The following YTHDF1 variants were observed in gnomAD, a reference collection of about 807,000 sequenced individuals.
YTHDF1 encodes the protein YTH domain-containing family protein 1.
Under a neutral mutation model 49.1 loss-of-function variants are expected in YTHDF1, and 16 were observed. The observed-to-expected ratio is 0.33, with a 90% CI of 0.22 to 0.49. YTHDF1 has a LOEUF of 0.49. Among genes scored for constraint, YTHDF1 ranks in the 20% least tolerant of loss-of-function variants. YTHDF1 has a pLI of 0.99. For missense variants in YTHDF1, 621 were observed against 744.3 expected, an observed-to-expected ratio of 0.83 and a Z score of 1.93; for synonymous variants, 313 against 290.1, an observed-to-expected ratio of 1.08 and a Z score of -0.80.
At chr20:63,201,687 A>G (rs1425068044) in intron 4 of YTHDF1, among the ~76,000 whole-genome samples, 1 of 152,138 alleles carries the variant, frequency 6.6e-6, no homozygotes, top group African/African-American at 2.4e-5. Context: ...CACCACCACC[A>G]TTTTCTTTAC....
chr20:63,202,575 G>A lies in YTHDF1; in HGVS notation c.1365C>T (p.Pro455=), dbSNP rs919727844. ...HFCGVAEMKS[P]VDYGTSAGVW... is the part of the protein sequence containing the mutation. ...CCCCGGCACTGGTGCCGTAGTCCAC[G>A]GGGGACTTCATCTCGGCCACCCCAC... The change falls in exon 4 of 5, where the codon CCC becomes CCT. Residue 455 remains proline (P), a synonymous_variant. Transcript: ENST00000370339. The A allele has an allele frequency of 5.0e-6, 8 of 1,614,182 alleles. No individual in the cohort carries two copies. The highest frequency in any genetic ancestry group is 2.7e-5 in the African/African-American group (2 of 75,068).
intron 4 of YTHDF1, 136 bp downstream of exon 4, chr20:63,202,151 G>T: frequency 1.6e-6 from 2 of 1,216,962 alleles, no homozygotes; most frequent in Non-Finnish European, 2.3e-6. Flanking sequence ...CCGCCCACCT[G>T]CGGCCAACTG....
intron 3 of YTHDF1, among the ~76,000 whole-genome samples, chr20:63,212,330 G>A (rs938194375): frequency 9.2e-5 from 14 of 152,238 alleles, no homozygotes; most frequent in Non-Finnish European, 1.9e-4. Context: ...CAGTAGGAGG[G>A]AGGGGGATGA....
Position 63,202,521 on chromosome 20 carries a change from C to T in YTHDF1, c.1419G>A (p.Lys473=), listed in dbSNP as rs144959355. The change falls in exon 4 of 5, where the codon AAG becomes AAA. Residue 473 remains lysine, a synonymous_variant. Transcript: ENST00000370339. The stretch of plus-strand genomic sequence containing the variant: ...TAACAAAAATCCACTGGACATCAAA[C>T]TTCCCCTTCCACTTGTCCTGAGACC... ...GVWSQDKWKG[K]FDVQWIFVKD... 1.2e-3 allele frequency: 1,892 copies of T among 1,614,238 alleles called. 8 individuals carry two copies. The African/African-American group carries it at 0.019, about 16-fold the overall frequency.
rs760284485 is a variant in YTHDF1 at position 63,202,945 on chromosome 20, C to T, written c.995G>A (p.Arg332His). Reference sequence around the variant, plus strand: ...CTGCCCAAACGCCGCGTTTCTGTTGCGTGGGGCAACCCAGCGGGTCTGGGG... The same window carrying T: ...CTGCCCAAACGCCGCGTTTCTGTTGTGTGGGGCAACCCAGCGGGTCTGGGG... ...QPPQTRWVAP[R>H]NRNAAFGQSG... The change falls in exon 4 of 5, where the codon CGC becomes CAC. Residue 332 changes from arginine to histidine, a missense_variant. By Grantham distance (29) the Arg-to-His change is conservative. Coordinates refer to ENST00000370339, the MANE Select transcript of YTHDF1 (RefSeq NM_017798.4). 5.0e-6 allele frequency: 8 copies of T among 1,613,920 alleles called. No individual in the cohort carries two copies. Among genetic ancestry groups the T allele is most frequent in the Admixed American group, 1.7e-5 (1 of 60,014 alleles).
chr20:63,214,895 C>T (rs979285239), intron 2 of YTHDF1, among the ~76,000 whole-genome samples: 1 of 152,208 alleles, frequency 6.6e-6, no homozygotes, highest in Non-Finnish European at 1.5e-5. Context: ...CCCTTTGGCT[C>T]AGTGATTTGG....
intron 3 of YTHDF1, among the ~76,000 whole-genome samples, chr20:63,206,948 T>C (rs1381715644): frequency 2.0e-5 from 3 of 151,334 alleles, no homozygotes; most frequent in Admixed American, 6.6e-5. Context: ...CTGGTCACAG[T>C]GCGTGGGAGA....
At chr20:63,199,249 G>A (rs1350993400) in intron 4 of YTHDF1, among the ~76,000 whole-genome samples, 3 of 152,198 alleles carry the variant, frequency 2.0e-5, no homozygotes, top group Admixed American at 6.5e-5. Context: ...GCCGGGCGCA[G>A]TGGCTCACGC....
chr20:63,211,387 C>A (rs978870790), intron 3 of YTHDF1, among the ~76,000 whole-genome samples: 71 of 152,054 alleles, frequency 4.7e-4, no homozygotes, highest in Non-Finnish European at 7.4e-4. Flanking sequence ...ATCACCTGAG[C>A]CTGGGAAGTC....
At chr20:63,207,100 C>G (rs1472768519) in intron 3 of YTHDF1, among the ~76,000 whole-genome samples, 1 of 152,258 alleles carries the variant, frequency 6.6e-6, no homozygotes, top group Non-Finnish European at 1.5e-5. Flanking sequence ...AGCTGTGCTG[C>G]TCCCTCAACA....
intron 3 of YTHDF1, among the ~76,000 whole-genome samples, chr20:63,207,552 C>T (rs986960813): frequency 5.4e-5 from 8 of 149,468 alleles, no homozygotes; most frequent in Non-Finnish European, 1.0e-4. Context: ...TTTTGGTCCT[C>T]GTAAATGAGT....
chr20:63,210,674 G>A (rs1266199987), intron 3 of YTHDF1, among the ~76,000 whole-genome samples: 1 of 152,120 alleles, frequency 6.6e-6, no homozygotes, highest in African/African-American at 2.4e-5. Context: ...TGTAATCCCA[G>A]CTACTCGGGA....
rs758194803 is a variant in YTHDF1 at position 63,213,968 on chromosome 20, T to G, written c.53-25A>C. On this transcript the variant is annotated intron_variant, in intron 2 of 4. Coordinates refer to ENST00000370339, the MANE Select transcript of YTHDF1 (RefSeq NM_017798.4). ...ACTAGAACAAAAAGTTGCAAAATAT[T>G]ACCCTCAAATTTTAAAAGATTACTT... The G allele has an allele frequency of 5.1e-6, 8 of 1,566,498 alleles. No individual in the cohort carries two copies. The Admixed American group carries it at 6.7e-5, about 13-fold the overall frequency.
Position 63,196,489 on chromosome 20 carries a change from CA to C in YTHDF1, c.*218del, listed in dbSNP as rs963582644. The C allele has an allele frequency of 3.9e-4, 178 of 455,784 alleles. No homozygotes were observed. Among genetic ancestry groups the C allele is most frequent in the South Asian group, 6.5e-4 (16 of 24,466 alleles). The allele number at this position is 455,784 out of a possible 1,614,324, so 28.2% of individuals were successfully genotyped here. A position where few individuals can be genotyped will look rare whatever the true frequency, so the allele number is the denominator to read the frequency against. On this transcript the variant is annotated 3_prime_UTR_variant, in exon 5 of 5. Transcript: ENST00000370339. ...TAGATCAGTCTGATTGATAAGCTGACAAAAAAAATACTCCTTTATTAGTGAC... is the reference window on the plus strand; with the variant it reads ...TAGATCAGTCTGATTGATAAGCTGACAAAAAAATACTCCTTTATTAGTGAC...
At chr20:63,199,097 A>T (rs1425920702) in intron 4 of YTHDF1, among the ~76,000 whole-genome samples, 1 of 152,230 alleles carries the variant, frequency 6.6e-6, no homozygotes, top group African/African-American at 2.4e-5. Flanking sequence ...AATGGGGCCA[A>T]ACTCTAAATG....
rs61737401 is a variant in YTHDF1 at position 63,203,505 on chromosome 20, G to T, written c.435C>A (p.Ser145=). 6.2e-7 allele frequency: 1 copy of T among 1,613,764 alleles called. No individual in the cohort carries two copies. The highest frequency in any genetic ancestry group is 2.2e-5 in the East Asian group (1 of 44,876). Reference sequence around the variant, plus strand: ...GGTAGGTGTAGCTGCTCCCATACGCGGAGCTCTGGGTCTGCTGACCTTGAG... The same window carrying T: ...GGTAGGTGTAGCTGCTCCCATACGCTGAGCTCTGGGTCTGCTGACCTTGAG... ...SGSQGQQTQS[S]AYGSSYTYPP... is the part of the protein sequence containing the mutation. The change falls in exon 4 of 5, where the codon TCC becomes TCA. Residue 145 remains serine, a synonymous_variant. Coordinates refer to ENST00000370339, the MANE Select transcript of YTHDF1 (RefSeq NM_017798.4). The surrounding 1 kb of genome is among the most constrained non-coding windows in gnomAD (Gnocchi z 4.4).
At position 63,213,908 on chromosome 20, in the gene YTHDF1, G is replaced by A. The variant is rs2066588084; in HGVS notation, c.88C>T (p.His30Tyr). The stretch of plus-strand genomic sequence containing the variant: ...AGGTAGGGCTCAAAGTCATTGTCAT[G>A]AACTGTATCCTTCTGATGTAACGAA... ...NGSLHQKDTVHDNDFEPYLTG... is the reference protein window; with the variant it reads ...NGSLHQKDTVYDNDFEPYLTG... The change falls in exon 3 of 5, where the codon CAT becomes TAT. Residue 30 changes from histidine to tyrosine, a missense_variant. Coordinates refer to ENST00000370339, the MANE Select transcript of YTHDF1 (RefSeq NM_017798.4). 1.3e-6 allele frequency: 2 copies of A among 1,577,986 alleles called. No homozygotes were observed. The highest frequency in any genetic ancestry group is 1.2e-5 in the South Asian group (1 of 85,060).
At chr20:63,214,328 G>C (rs555679818) in intron 2 of YTHDF1, among the ~76,000 whole-genome samples, 1 of 152,184 alleles carries the variant, frequency 6.6e-6, no homozygotes, top group Non-Finnish European at 1.5e-5. Context: ...TATGGAGAAC[G>C]GAGGGAAGAA....
At chr20:63,202,064 C>T (rs2066519904) in intron 4 of YTHDF1, among the ~76,000 whole-genome samples, 1 of 152,264 alleles carries the variant, frequency 6.6e-6, no homozygotes, top group African/African-American at 2.4e-5. Context: ...CGTTCGGTGA[C>T]ATCTACCCAA....
Sources: allele counts gnomAD v4.1 joint callset (sites outside exome capture counted in the v4.1 genomes callset), GRCh38; gene constraint gnomAD v4.1.1; non-coding constraint Gnocchi (gnomAD v3.1); transcripts MANE v1.5; gene names NCBI Gene and HGNC (gene_info 2026-07-23, HGNC 2026-07-21).